LIN7A: variants seen among roughly 807,000 people sequenced by gnomAD.
The protein encoded by LIN7A is lin-7 cell polarity scaffold A.
A neutral mutation model predicts 29.8 loss-of-function variants in LIN7A; 25 were observed. The observed-to-expected ratio is 0.84, with a 90% CI of 0.61 to 1.17. The LOEUF is 1.17. Ranked by LOEUF, LIN7A falls within the 50% of genes most tolerant of loss-of-function variation. The pLI is 0.00. For synonymous variants in LIN7A, 118 were observed against 107.5 expected, an observed-to-expected ratio of 1.10 and a Z score of -0.60; for missense variants, 239 against 287.0, an observed-to-expected ratio of 0.83 and a Z score of 1.21.
intron 4 of LIN7A, among the ~76,000 whole-genome samples, chr12:80,840,723 G>A (rs1872769133): frequency 6.6e-6 from 1 of 152,204 alleles, no homozygotes; most frequent in African/African-American, 2.4e-5. Flanking sequence ...GGCAGCATGT[G>A]TGTGTTGGTC....
chr12:80,917,214 G>T (rs1202657649), intron 1 of LIN7A, among the ~76,000 whole-genome samples: 2 of 152,006 alleles, frequency 1.3e-5, no homozygotes, highest in African/African-American at 4.8e-5. Flanking sequence ...TTATAAATGT[G>T]AAAAATTAAA....
Position 80,919,814 on chromosome 12 carries a change from A to G in LIN7A, c.82+17827T>C, listed in dbSNP as rs535429666. ...AAAGGCAGGATCCTGAGAAAGCCCT[A>G]TGCTTGAGACCCAGACACACAGAGG... On this transcript the variant is annotated intron_variant, in intron 1 of 5. Transcript: ENST00000552864. Among the ~76,000 whole-genome samples the G allele has an allele frequency of 2.0e-5, 3 of 152,316 alleles. No homozygotes were observed. In the South Asian group the frequency reaches 6.2e-4, roughly 32 times the overall value.
At chr12:80,807,063 G>GTTTTTTTTTGTTTTTTGTTTTTT (rs374349839) in intron 5 of LIN7A, among the ~76,000 whole-genome samples, 1 of 53,594 alleles carries the variant, frequency 1.9e-5, no homozygotes, top group Non-Finnish European at 3.5e-5. Flanking sequence ...TGAAGATGGA[G>GTTTTTTTTTGTTTTTTGTTTTTT]TTTTTTTTTT....
intron 2 of LIN7A, among the ~76,000 whole-genome samples, chr12:80,882,758 G>A (rs570566350): frequency 2.6e-5 from 4 of 151,770 alleles, no homozygotes; most frequent in South Asian, 4.2e-4. Context: ...TTTCTTAATC[G>A]TCAACTCTTT....
chr12:80,912,955 G>T (rs1281247432), intron 1 of LIN7A, among the ~76,000 whole-genome samples: 2 of 152,056 alleles, frequency 1.3e-5, no homozygotes, highest in Non-Finnish European at 2.9e-5. Context: ...TATTAAAAAT[G>T]TTCAGAATTT....
chr12:80,807,079 T>TTTTTTTTGTTTTTTG (rs1555221371), intron 5 of LIN7A, among the ~76,000 whole-genome samples: 3 of 131,916 alleles, frequency 2.3e-5, no homozygotes, highest in African/African-American at 8.7e-5. Flanking sequence ...TTTTTTTTTT[T>TTTTTTTTGTTTTTTG]TTTTTTTTTT....
chr12:80,919,988 GCA>G (rs1369427278), intron 1 of LIN7A, among the ~76,000 whole-genome samples: 4 of 152,202 alleles, frequency 2.6e-5, no homozygotes, highest in South Asian at 2.1e-4. Context: ...TGACACATGT[GCA>G]CAGTGGAGCA....
At chr12:80,878,134 C>G (rs113063643) in intron 2 of LIN7A, among the ~76,000 whole-genome samples, 7 of 152,278 alleles carry the variant, frequency 4.6e-5, no homozygotes, top group African/African-American at 1.7e-4. Flanking sequence ...TAACAGCCTT[C>G]AGAGTCATTA....
intron 1 of LIN7A, among the ~76,000 whole-genome samples, chr12:80,925,466 T>A (rs1220716658): frequency 2.0e-5 from 3 of 152,204 alleles, no homozygotes; most frequent in Admixed American, 2.0e-4. Flanking sequence ...TGGAAGCACA[T>A]GATATCCAGG....
chr12:80,906,504 G>A (rs1876482327), intron 1 of LIN7A, among the ~76,000 whole-genome samples: 1 of 152,044 alleles, frequency 6.6e-6, no homozygotes, highest in Non-Finnish European at 1.5e-5. Context: ...TGGGGGTTGG[G>A]GGGTTTGCCT....
chr12:80,839,007 T>C (rs1042207280), intron 4 of LIN7A, among the ~76,000 whole-genome samples: 2 of 152,256 alleles, frequency 1.3e-5, no homozygotes, highest in African/African-American at 4.8e-5. Flanking sequence ...ATTAGAGTAC[T>C]GAGCCATTTG....
chr12:80,799,271 CAATT>C (rs1870604106), intron 5 of LIN7A, among the ~76,000 whole-genome samples: 1 of 152,134 alleles, frequency 6.6e-6, no homozygotes, highest in Non-Finnish European at 1.5e-5. Context: ...AACTGATTAA[CAATT>C]TATTTTTAAG....
At chr12:80,868,196 T>TA (rs1376333128) in intron 2 of LIN7A, among the ~76,000 whole-genome samples, 2 of 152,290 alleles carry the variant, frequency 1.3e-5, no homozygotes, top group East Asian at 3.9e-4. Flanking sequence ...AGTACCAAGG[T>TA]AATCATTCAC....
chr12:80,888,499 C>T (rs1875451932), intron 2 of LIN7A, among the ~76,000 whole-genome samples: 1 of 152,086 alleles, frequency 6.6e-6, no homozygotes, highest in Non-Finnish European at 1.5e-5. Flanking sequence ...GAGGGAATAA[C>T]AGGAGGTAAT....
intron 4 of LIN7A, among the ~76,000 whole-genome samples, chr12:80,835,047 T>TATAA: frequency 6.6e-6 from 1 of 152,304 alleles, no homozygotes; most frequent in Non-Finnish European, 1.5e-5. Flanking sequence ...TTCCACAAAA[T>TATAA]ATAAATGATG....
chr12:80,850,040 A>C (rs900153619), intron 2 of LIN7A, among the ~76,000 whole-genome samples: 1 of 152,164 alleles, frequency 6.6e-6, no homozygotes, highest in African/African-American at 2.4e-5. Flanking sequence ...AATAAAACAA[A>C]AGGTGATTTT....
chr12:80,826,742 C>T (rs1385715967), intron 4 of LIN7A, among the ~76,000 whole-genome samples: 2 of 152,088 alleles, frequency 1.3e-5, no homozygotes, highest in South Asian at 2.1e-4. Flanking sequence ...AGGTTGGTCT[C>T]GAGCTCCTGA....
At chr12:80,875,310 G>A (rs1180942391) in intron 2 of LIN7A, among the ~76,000 whole-genome samples, 1 of 151,978 alleles carries the variant, frequency 6.6e-6, no homozygotes, top group Non-Finnish European at 1.5e-5. Context: ...GGAAAAAAAA[G>A]CCCATAATTT....
At chr12:80,901,729 C>T (rs1486560102) in intron 1 of LIN7A, among the ~76,000 whole-genome samples, 2 of 152,068 alleles carry the variant, frequency 1.3e-5, no homozygotes, top group Non-Finnish European at 2.9e-5. Flanking sequence ...CCTATACTAG[C>T]AAATGGATGA....
Sources: allele counts gnomAD v4.1 joint callset (sites outside exome capture counted in the v4.1 genomes callset), GRCh38; gene constraint gnomAD v4.1.1; transcripts MANE v1.5; gene names NCBI Gene and HGNC (gene_info 2026-07-23, HGNC 2026-07-21).